CECR2: variants seen among roughly 807,000 people sequenced by gnomAD.
The protein encoded by CECR2 is chromatin remodeling regulator CECR2.
A neutral mutation model predicts 154.5 loss-of-function variants in CECR2; 30 were observed. The ratio of observed to expected loss-of-function variants is 0.19; its 90% CI spans 0.15 to 0.26. CECR2 has a LOEUF of 0.26. Among genes scored for constraint, CECR2 ranks in the 10% least tolerant of loss-of-function variants. The pLI, the probability that CECR2 is intolerant of heterozygous loss-of-function variation, is 1.00. For synonymous variants in CECR2, 725 were observed against 683.7 expected (o/e 1.06, Z -0.94); for missense variants, 1,743 against 1,829.3 (o/e 0.95, Z 0.86).
chr22:17,360,447 C>T (rs1230216018), intron 1 of CECR2, among the ~76,000 whole-genome samples: 2 of 151,902 alleles, frequency 1.3e-5, no homozygotes, highest in South Asian at 2.1e-4. Context: ...TTTGAGAGGC[C>T]GAGGCCGGCA....
At chr22:17,439,958 A>G (rs533359533) in intron 1 of CECR2, among the ~76,000 whole-genome samples, 2 of 152,328 alleles carry the variant, frequency 1.3e-5, no homozygotes, top group South Asian at 4.1e-4. Context: ...AGATTTGCAC[A>G]AGATAGAAAA....
chr22:17,505,103 A>C, intron 7 of CECR2, 87 bp downstream of exon 7: 1 of 1,288,664 alleles, frequency 7.8e-7, no homozygotes, highest in South Asian at 1.4e-5. Flanking sequence ...TTCCCCATAC[A>C]CCCCACTGTC....
In CECR2 at chr22:17,542,564, C is replaced by T. The variant is rs760517770; in HGVS notation, c.2421C>T (p.His807=). The T allele has an allele frequency of 8.1e-6, 13 of 1,613,904 alleles. No homozygotes were observed. The highest frequency in any genetic ancestry group is 4.0e-5 in the African/African-American group (3 of 74,942). ...CTCACCAGCCTCGCACTCTCGGTCA[C>T]GTGATGGATTCCCGAGTCATGAGAC... is the stretch of plus-strand genomic sequence containing the variant. The part of the protein sequence containing the change: ...GPSHQPRTLG[H]VMDSRVMRPP... The change falls in exon 16 of 19, where the codon CAC becomes CAT. Residue 807 remains histidine, a synonymous_variant. Transcript: ENST00000262608.
intron 1 of CECR2, among the ~76,000 whole-genome samples, chr22:17,376,479 G>C (rs778636128): frequency 2.0e-5 from 3 of 146,740 alleles, no homozygotes; most frequent in Middle Eastern, 3.5e-3. Flanking sequence ...GGATTCCATG[G>C]TGTGCTGGGG....
chr22:17,537,831 T>TA (rs1446144206), intron 10 of CECR2, among the ~76,000 whole-genome samples: 1 of 151,950 alleles, frequency 6.6e-6, no homozygotes, highest in Admixed American at 6.6e-5. Context: ...CCGTCTCTAA[T>TA]AAAAATTTTA....
At chr22:17,514,148 A>G (rs2056009472) in intron 8 of CECR2, among the ~76,000 whole-genome samples, 1 of 152,130 alleles carries the variant, frequency 6.6e-6, no homozygotes, top group South Asian at 2.1e-4. Flanking sequence ...TTGAGTTGTG[A>G]CTTCTTGGGG....
intron 1 of CECR2, among the ~76,000 whole-genome samples, chr22:17,448,861 T>C (rs2146692014): frequency 6.6e-6 from 1 of 152,168 alleles, no homozygotes; most frequent in Non-Finnish European, 1.5e-5. Flanking sequence ...TTCAGATTCC[T>C]CTTTTTTATT....
At chr22:17,381,414 G>C (rs1376132426) in intron 1 of CECR2, among the ~76,000 whole-genome samples, 1 of 152,032 alleles carries the variant, frequency 6.6e-6, no homozygotes, top group Non-Finnish European at 1.5e-5. Context: ...GTGTCATCTT[G>C]CATAGGCCAG....
intron 8 of CECR2, among the ~76,000 whole-genome samples, chr22:17,514,094 T>C (rs1039090994): frequency 2.0e-5 from 3 of 152,196 alleles, no homozygotes; most frequent in Non-Finnish European, 4.4e-5. Flanking sequence ...TTCTGGCCTC[T>C]ATTGGTCACT....
chr22:17,470,627 G>A (rs2055110934), intron 1 of CECR2, among the ~76,000 whole-genome samples: 1 of 152,010 alleles, frequency 6.6e-6, no homozygotes, highest in African/African-American at 2.4e-5. Flanking sequence ...TTCCTGGACA[G>A]GATTAAAACT....
intron 1 of CECR2, among the ~76,000 whole-genome samples, chr22:17,425,854 G>A (rs908170757): frequency 1.3e-5 from 2 of 152,122 alleles, no homozygotes; most frequent in Non-Finnish European, 2.9e-5. Context: ...CCATAAAAGC[G>A]ATGTTAAAGA....
intron 1 of CECR2, among the ~76,000 whole-genome samples, chr22:17,467,650 C>T (rs1204172474): frequency 1.3e-5 from 2 of 152,128 alleles, no homozygotes; most frequent in Non-Finnish European, 2.9e-5. Context: ...GGCATGGTGG[C>T]AGGTACCTGT....
intron 5 of CECR2, among the ~76,000 whole-genome samples, chr22:17,502,242 T>C (rs2055752283): frequency 6.6e-6 from 1 of 152,218 alleles, no homozygotes; most frequent in South Asian, 2.1e-4. Flanking sequence ...ACATTGTAAG[T>C]GGCACAGCTT....
intron 3 of CECR2, among the ~76,000 whole-genome samples, chr22:17,498,353 T>C (rs915569291): frequency 6.0e-5 from 9 of 151,018 alleles, no homozygotes; most frequent in Admixed American, 2.0e-4. Context: ...ATTGCGCCAC[T>C]GCACTCCAGC....
rs780449415 is a variant in CECR2 at position 17,548,727 on chromosome 22, G to C, written c.3440G>C (p.Gly1147Ala). 46 of 1,613,588 alleles carry C rather than the reference G, an allele frequency of 2.9e-5. No homozygotes were observed. Among genetic ancestry groups the C allele is most frequent in the Middle Eastern group, 3.3e-4 (2 of 6,084 alleles). Residue 1147 changes from glycine to alanine, a missense_variant, in exon 17 of 19, where the codon GGA becomes GCA. Coordinates refer to ENST00000262608, the MANE Select transcript of CECR2 (RefSeq NM_001290047.2). ...PGLQGVGPVM[G>A]GKSPASHPQH... is the part of the protein sequence containing the mutation. ...CTGCAGGGTGTGGGCCCTGTGATGG[G>C]AGGGAAGTCCCCAGCATCCCATCCC... is the stretch of plus-strand genomic sequence containing the variant.
chr22:17,523,700 G>A (rs2056198145), intron 8 of CECR2, among the ~76,000 whole-genome samples: 1 of 146,434 alleles, frequency 6.8e-6, no homozygotes, highest in Admixed American at 7.0e-5. Context: ...AGCTTGCAGT[G>A]AGCCAAGATC....
intron 1 of CECR2, among the ~76,000 whole-genome samples, chr22:17,462,993 A>G (rs2054967475): frequency 6.6e-6 from 1 of 152,212 alleles, no homozygotes; most frequent in Non-Finnish European, 1.5e-5. Flanking sequence ...AAAGCTCCTC[A>G]AGGGGTTTGC....
upstream of CECR2, among the ~76,000 whole-genome samples, chr22:17,368,484 T>C (rs2063015853): frequency 6.6e-6 from 1 of 151,828 alleles, no homozygotes; most frequent in Non-Finnish European, 1.5e-5. Flanking sequence ...ACTTCTAGCC[T>C]GTTTCTGGGG....
chr22:17,530,913 G>A (rs2056344534), intron 9 of CECR2, among the ~76,000 whole-genome samples: 1 of 152,202 alleles, frequency 6.6e-6, no homozygotes, highest in Non-Finnish European at 1.5e-5. Context: ...GCTGAGGTGA[G>A]AGGGAAATGG....
Sources: allele counts gnomAD v4.1 joint callset (sites outside exome capture counted in the v4.1 genomes callset), GRCh38; gene constraint gnomAD v4.1.1; transcripts MANE v1.5; gene names NCBI Gene and HGNC (gene_info 2026-07-23, HGNC 2026-07-21).